Variants in SLC24A2 observed in about 807,000 individuals in gnomAD.
SLC24A2 encodes the protein sodium/potassium/calcium exchanger 2.
SLC24A2 carries 36 observed loss-of-function variants against 62.0 expected under a neutral mutation model. That is an observed-to-expected ratio of 0.58 (90% CI 0.44 to 0.77). The LOEUF is 0.77. SLC24A2 is among the 30% of genes least tolerant of loss of function. The pLI, the probability that SLC24A2 is intolerant of heterozygous loss-of-function variation, is 0.00. For synonymous variants in SLC24A2, 358 were observed against 294.0 expected, an observed-to-expected ratio of 1.22 and a Z score of -2.23; for missense variants, 846 against 817.9, an observed-to-expected ratio of 1.03 and a Z score of -0.42.
chr9:20,153,279 T>C, the SLC24A2 span, among the ~76,000 whole-genome samples: 1 of 151,812 alleles, frequency 6.6e-6, no homozygotes, highest in South Asian at 2.1e-4. Flanking sequence ...GAGCAAACTC[T>C]AGGCCTAATT....
chr9:20,303,468 G>A, the SLC24A2 span, among the ~76,000 whole-genome samples: 2 of 152,110 alleles, frequency 1.3e-5, no homozygotes, highest in African/African-American at 4.8e-5. Context: ...CCACAAGTCT[G>A]TTCCCTTTCC....
chr9:19,565,491 C>T (rs1038178203), intron 7 of SLC24A2, among the ~76,000 whole-genome samples: 1 of 150,962 alleles, frequency 6.6e-6, no homozygotes, highest in Non-Finnish European at 1.5e-5. Context: ...GAAGAACATT[C>T]CATGCTCATG....
intron 2 of SLC24A2, among the ~76,000 whole-genome samples, chr9:19,721,197 C>T (rs1821015897): frequency 6.6e-6 from 1 of 151,970 alleles, no homozygotes; most frequent in Non-Finnish European, 1.5e-5. Context: ...CCAAAATTTC[C>T]AACTCTGAAA....
At chr9:19,622,240 G>C (rs776908761) in intron 3 of SLC24A2, 21 bp downstream of exon 3, 39 of 1,611,260 alleles carry the variant, frequency 2.4e-5, no homozygotes, top group Admixed American at 1.2e-4. Context: ...AACAGGTACA[G>C]ACAAAGCCAC....
the SLC24A2 span, among the ~76,000 whole-genome samples, chr9:19,879,757 A>G: frequency 6.6e-6 from 1 of 152,174 alleles, no homozygotes; most frequent in Non-Finnish European, 1.5e-5. Context: ...TATGAATTCA[A>G]AAGTCAGCAT....
chr9:20,007,030 G>A, the SLC24A2 span, among the ~76,000 whole-genome samples: 2 of 152,146 alleles, frequency 1.3e-5, no homozygotes, highest in Non-Finnish European at 2.9e-5. Context: ...GCTTTCTACT[G>A]TGGGTGTTGC....
the SLC24A2 span, among the ~76,000 whole-genome samples, chr9:20,023,254 C>G: frequency 6.6e-6 from 1 of 152,154 alleles, no homozygotes; most frequent in East Asian, 1.9e-4. Flanking sequence ...AGTGTTACAA[C>G]AGAATGTAGT....
At chr9:19,631,967 A>C (rs1818191948) in intron 2 of SLC24A2, among the ~76,000 whole-genome samples, 2 of 152,298 alleles carry the variant, frequency 1.3e-5, no homozygotes, top group South Asian at 4.2e-4. Context: ...TGAATGGAAT[A>C]GGCCCACCAT....
the SLC24A2 span, among the ~76,000 whole-genome samples, chr9:20,282,358 T>C: frequency 6.6e-6 from 1 of 152,214 alleles, no homozygotes; most frequent in Non-Finnish European, 1.5e-5. Context: ...GTACTTTTTC[T>C]AATTTCAAAA....
chr9:20,073,614 T>C, the SLC24A2 span, among the ~76,000 whole-genome samples: 2 of 152,200 alleles, frequency 1.3e-5, no homozygotes, highest in African/African-American at 4.8e-5. Flanking sequence ...ATATGTAATG[T>C]ACCATTTTAA....
chr9:19,890,249 T>G, the SLC24A2 span, among the ~76,000 whole-genome samples: 1 of 152,230 alleles, frequency 6.6e-6, no homozygotes, highest in East Asian at 1.9e-4. Flanking sequence ...ATTTCAGAAC[T>G]GACATTGTAT....
intron 8 of SLC24A2, among the ~76,000 whole-genome samples, chr9:19,546,325 G>A (rs950906376): frequency 6.6e-6 from 1 of 152,240 alleles, no homozygotes; most frequent in African/African-American, 2.4e-5. Context: ...GTCCCAGGGA[G>A]ATGGGGGTTT....
At chr9:20,289,044 A>C in the SLC24A2 span, among the ~76,000 whole-genome samples, 1 of 152,208 alleles carries the variant, frequency 6.6e-6, no homozygotes, top group South Asian at 2.1e-4. Context: ...TCAGCCACTG[A>C]AGATAATTCA....
chr9:19,613,081 A>G (rs1429125590), intron 4 of SLC24A2, among the ~76,000 whole-genome samples: 1 of 152,206 alleles, frequency 6.6e-6, no homozygotes, highest in Non-Finnish European at 1.5e-5. Context: ...CAATAAGTGG[A>G]AGCTACTATT....
At chr9:20,104,162 A>C in the SLC24A2 span, among the ~76,000 whole-genome samples, 1 of 152,214 alleles carries the variant, frequency 6.6e-6, no homozygotes. Flanking sequence ...AATAATAAAA[A>C]GAAATGAACA....
upstream of SLC24A2, among the ~76,000 whole-genome samples, chr9:19,792,393 AAG>A (rs1376970234): frequency 6.6e-6 from 1 of 152,068 alleles, no homozygotes; most frequent in Non-Finnish European, 1.5e-5. Context: ...CAGAAGGTGA[AAG>A]AGATGGTTGA....
the SLC24A2 span, among the ~76,000 whole-genome samples, chr9:19,991,921 A>G: frequency 6.6e-6 from 1 of 152,172 alleles, no homozygotes; most frequent in African/African-American, 2.4e-5. Flanking sequence ...GACATTTCCC[A>G]GGTAAAAGCA....
chr9:20,185,651 C>A, the SLC24A2 span, among the ~76,000 whole-genome samples: 2 of 140,538 alleles, frequency 1.4e-5, no homozygotes, highest in East Asian at 2.0e-4. Flanking sequence ...GGAGACAGAG[C>A]GAGACTCCAT....
At chr9:19,621,986 T>G (rs892130625) in intron 3 of SLC24A2, among the ~76,000 whole-genome samples, 5 of 152,126 alleles carry the variant, frequency 3.3e-5, no homozygotes, top group African/African-American at 1.2e-4. Flanking sequence ...TTTGGAAATA[T>G]CTCACTCTTC....
Sources: allele counts gnomAD v4.1 joint callset (sites outside exome capture counted in the v4.1 genomes callset), GRCh38; gene constraint gnomAD v4.1.1; transcripts MANE v1.5; gene names NCBI Gene and HGNC (gene_info 2026-07-23, HGNC 2026-07-21).